The following SLC66A1 variants were observed in gnomAD, a reference collection of about 807,000 sequenced individuals.
SLC66A1 encodes solute carrier family 66 member 1.
SLC66A1 carries 23 observed loss-of-function variants against 33.0 expected under a neutral mutation model. The observed-to-expected ratio is 0.70, with a 90% confidence interval of 0.50 to 0.99. The LOEUF is 0.99. Ranked by LOEUF, SLC66A1 falls within the 50% of genes least tolerant of loss-of-function variation. SLC66A1 has a pLI of 0.00. For synonymous variants in SLC66A1, 164 were observed against 175.5 expected (o/e 0.93, Z 0.52); for missense variants, 335 against 383.6 (o/e 0.87, Z 1.06).
At position 19,325,574 on chromosome 1, in the gene SLC66A1, C is replaced by T. The variant is rs2093859880; in HGVS notation, c.374C>T (p.Pro125Leu). 3 of 1,584,990 alleles carry T rather than the reference C, an allele frequency of 1.9e-6. No homozygotes were observed. Among genetic ancestry groups the T allele is most frequent in the African/African-American group, 1.4e-5 (1 of 73,856 alleles). ...LYFYYKFRTR[P>L]SLLSAPINSV... ...TTTTACTACAAGTTCAGGACGCGCC[C>T]CTCTCTGTGTGAGTATGGGGACCGC... The change falls in exon 4 of 8, where the codon CCC (proline) becomes CTC (leucine). Residue 125 changes from proline (P) to leucine (L), a missense_variant. Physicochemically the swap from Pro to Leu is moderately conservative, Grantham distance 98. Transcript: ENST00000375153.
intron 1 of SLC66A1, among the ~76,000 whole-genome samples, chr1:19,316,381 G>A (rs2093805965): frequency 6.6e-6 from 1 of 151,714 alleles, no homozygotes; most frequent in African/African-American, 2.4e-5. Flanking sequence ...GTGTGTGTGT[G>A]TGTGTGTGTG....
rs746345821 is a variant in SLC66A1 at position 19,327,412 on chromosome 1, C to G, written c.804C>G (p.Ile268Met). 4 of 1,587,056 alleles carry G rather than the reference C, an allele frequency of 2.5e-6. No homozygotes were observed. The highest frequency in any genetic ancestry group is 3.4e-6 in the Non-Finnish European group (4 of 1,166,228). The stretch of plus-strand genomic sequence containing the variant: ...TGGGCGTGCTGCTGCTCGACACCAT[C>G]GTATCCTTCAGGGCGTGTGGGGCAG... ...GSLGVLLLDT[I>M]ISIQFLVYRR... The change falls in exon 7 of 8, where the codon ATC becomes ATG. Residue 268 changes from isoleucine to methionine, a missense_variant and splice_region_variant. Physicochemically the swap from Ile to Met is conservative, Grantham distance 10. Coordinates refer to ENST00000375153, the MANE Select transcript of SLC66A1 (RefSeq NM_001040125.2).
Position 19,319,575 on chromosome 1 carries a change from A to G in SLC66A1, c.164+1734A>G, listed in dbSNP as rs2093822983. ...ATTGGGTTGTTTCTACTTTGTAGCC[A>G]TTATGATTAATGTTGCTGTGCACAT... On this transcript the variant is annotated intron_variant, in intron 2 of 7. Coordinates refer to ENST00000375153, the MANE Select transcript of SLC66A1 (RefSeq NM_001040125.2). Among the ~76,000 whole-genome samples the G allele has an allele frequency of 2.1e-5, 3 of 140,056 alleles. No individual in the cohort carries two copies. In the East Asian group the frequency reaches 6.3e-4, roughly 29 times the overall value. 91.9% of individuals were successfully genotyped at this position (140,056 alleles called of 152,430 possible).
intron 2 of SLC66A1, among the ~76,000 whole-genome samples, chr1:19,319,605 G>GTTCTTTTTTTTTTTTTTTTTTTT (rs2093823298): frequency 8.9e-6 from 1 of 111,870 alleles, no homozygotes; most frequent in Non-Finnish European, 1.7e-5. Flanking sequence ...GCACATTCAT[G>GTTCTTTTTTTTTTTTTTTTTTTT]TTTTTTTTTT....
At chr1:19,331,048 G>A (rs2093891043), downstream of SLC66A1, among the ~76,000 whole-genome samples, 1 of 152,218 alleles carries the variant, frequency 6.6e-6, no homozygotes, top group East Asian at 1.9e-4. Flanking sequence ...GTCTTGCTCT[G>A]CCGCCCAAGC....
downstream of SLC66A1, among the ~76,000 whole-genome samples, chr1:19,331,635 C>T (rs925645654): frequency 5.2e-4 from 79 of 152,212 alleles, no homozygotes; most frequent in African/African-American, 1.9e-3. Context: ...GAAGCCCCAG[C>T]TTGCCCTGGC....
At chr1:19,332,116 C>CTGT (rs1385857245), downstream of SLC66A1, among the ~76,000 whole-genome samples, 1 of 152,208 alleles carries the variant, frequency 6.6e-6, no homozygotes, top group African/African-American at 2.4e-5. Context: ...AGGATTCAAA[C>CTGT]TGTTGGGGCT....
downstream of SLC66A1, among the ~76,000 whole-genome samples, chr1:19,329,795 A>G (rs1164774815): frequency 1.3e-5 from 2 of 152,112 alleles, no homozygotes; most frequent in African/African-American, 4.8e-5. Flanking sequence ...GATCTTGGAG[A>G]TCAGGGAGAG....
intron 2 of SLC66A1, among the ~76,000 whole-genome samples, chr1:19,319,605 G>GTTTTTTTTTTGTTTTTTTTTTTGTTTTTT (rs56769657): frequency 1.8e-5 from 2 of 111,870 alleles, no homozygotes; most frequent in African/African-American, 8.1e-5. Context: ...GCACATTCAT[G>GTTTTTTTTTTGTTTTTTTTTTTGTTTTTT]TTTTTTTTTT....
chr1:19,331,537 AC>A (rs981517267), downstream of SLC66A1, among the ~76,000 whole-genome samples: 1 of 152,048 alleles, frequency 6.6e-6, no homozygotes, highest in Admixed American at 6.6e-5. Context: ...ACCCTGCTGG[AC>A]CCAGGCTCCC....
downstream of SLC66A1, among the ~76,000 whole-genome samples, chr1:19,330,531 A>G (rs920285189): frequency 3.9e-5 from 6 of 152,148 alleles, no homozygotes; most frequent in African/African-American, 1.4e-4. Context: ...TCAGGAAATG[A>G]GCAGATGAGA....
intron 1 of SLC66A1, among the ~76,000 whole-genome samples, chr1:19,315,268 G>C (rs752937072): frequency 6.6e-6 from 1 of 152,208 alleles, no homozygotes; most frequent in African/African-American, 2.4e-5. Context: ...GGAGCATCAG[G>C]TGAAGGCTTC....
In SLC66A1 at chr1:19,317,720, C is replaced by G. The variant is rs754421404; in HGVS notation, c.43C>G (p.Pro15Ala). The change falls in exon 2 of 8, where the codon CCC becomes GCC. Residue 15 changes from proline to alanine, a missense_variant. Coordinates refer to ENST00000375153, the MANE Select transcript of SLC66A1 (RefSeq NM_001040125.2). ...GGGCTCCCGCAACTTCTCCAGCTGC[C>G]CCAGTGGCTCCATCCAGTGGATATG... is the stretch of plus-strand genomic sequence containing the variant. ...KLGSRNFSSC[P>A]SGSIQWIWDV... The G allele has an allele frequency of 2.1e-5, 34 of 1,614,088 alleles. No homozygotes were observed. Among genetic ancestry groups the G allele is most frequent in the Non-Finnish European group, 2.5e-5 (30 of 1,180,032 alleles).
At chr1:19,316,913 C>CTTTTT (rs759496425) in intron 1 of SLC66A1, among the ~76,000 whole-genome samples, 56 of 71,484 alleles carry the variant, frequency 7.8e-4, no homozygotes, top group South Asian at 1.4e-3. Context: ...TCTGTCACCT[C>CTTTTT]TTTTTTTTTT....
At chr1:19,325,405 C>T in intron 3 of SLC66A1, 90 bp from the exon 4 acceptor site, 1 of 868,976 alleles carries the variant, frequency 1.2e-6, no homozygotes. Context: ...TGGTCCGGGT[C>T]ACCCAGCTGG....
chr1:19,313,197 G>T (rs1342468202), intron 1 of SLC66A1: 2 of 985,304 alleles, frequency 2.0e-6, no homozygotes, highest in African/African-American at 1.7e-5. Context: ...TTGAGTTCCA[G>T]ACTGGTAGGC....
intron 6 of SLC66A1, among the ~76,000 whole-genome samples, chr1:19,326,924 G>A (rs1331606935): frequency 6.6e-6 from 1 of 152,202 alleles, no homozygotes; most frequent in African/African-American, 2.4e-5. Context: ...GAGAAGCTGG[G>A]GAGTCGGGGA....
In SLC66A1 at chr1:19,325,502, C is replaced by G; in HGVS notation, c.302C>G (p.Thr101Arg). 6.2e-7 allele frequency: 1 copy of G among 1,606,418 alleles called. No homozygotes were observed. The highest frequency in any genetic ancestry group is 8.5e-7 in the Non-Finnish European group (1 of 1,173,200). Residue 101 changes from threonine (T) to arginine (R), a missense_variant, in exon 4 of 8, where the codon ACG (threonine) becomes AGG (arginine). Physicochemically the swap from Thr to Arg is moderately conservative, Grantham distance 71 (BLOSUM62 -1). Transcript: ENST00000375153. ...CCCCTGCATCTCTTACAGACCTACA[C>G]GGCTGTGTATTATGTCTTGGCAGAC... is the stretch of plus-strand genomic sequence containing the variant. ...LADQLPLQTY[T>R]AVYYVLADLV... is the part of the protein sequence containing the mutation.
At chr1:19,326,710 C>G (rs2093869618) in intron 6 of SLC66A1, 87 bp downstream of exon 6, 1 of 1,347,104 alleles carries the variant, frequency 7.4e-7, no homozygotes, top group Non-Finnish European at 1.0e-6. Flanking sequence ...AGTAGCACAG[C>G]ATAGGAGCCT....
Sources: gnomAD v4.1 joint callset for allele counts (sites outside exome capture counted in the v4.1 genomes callset) on GRCh38, gnomAD v4.1.1 for gene constraint, MANE v1.5 for transcripts, NCBI Gene and HGNC (gene_info 2026-07-23, HGNC 2026-07-21) for gene names.